Variants in ERGIC1 observed in about 807,000 individuals in gnomAD.
The protein encoded by ERGIC1 is endoplasmic reticulum-Golgi intermediate compartment protein 1.
Under a neutral mutation model 38.3 loss-of-function variants are expected in ERGIC1, and 19 were observed. That is an observed-to-expected ratio of 0.50 (90% CI 0.35 to 0.73). The LOEUF is 0.73. Among genes scored for constraint, ERGIC1 ranks in the 30% least tolerant of loss-of-function variants. The pLI, the probability that ERGIC1 is intolerant of heterozygous loss-of-function variation, is 0.01. For synonymous variants in ERGIC1, 124 were observed against 157.6 expected (o/e 0.79, Z 1.60); for missense variants, 294 against 389.2 (o/e 0.76, Z 2.06).
chr5:172,885,872 G>C (rs80076926), intron 1 of ERGIC1, among the ~76,000 whole-genome samples: 1 of 152,130 alleles, frequency 6.6e-6, no homozygotes, highest in Non-Finnish European at 1.5e-5. Flanking sequence ...ATCTGCAGAC[G>C]CGTCTCATTT....
chr5:172,896,948 C>T, intron 2 of ERGIC1, 54 bp from the exon 3 acceptor site: 1 of 1,561,274 alleles, frequency 6.4e-7, no homozygotes, highest in Admixed American at 1.7e-5. Context: ...GGCTGGTCTC[C>T]CTTCGTCAGT....
At chr5:172,843,385 C>T (rs997032752) in intron 1 of ERGIC1, among the ~76,000 whole-genome samples, 1 of 152,032 alleles carries the variant, frequency 6.6e-6, no homozygotes, top group Non-Finnish European at 1.5e-5. Context: ...AGCTGGGGTC[C>T]CAGAGCCTGG....
At chr5:172,843,786 CT>C (rs1761219620) in intron 1 of ERGIC1, among the ~76,000 whole-genome samples, 1 of 152,232 alleles carries the variant, frequency 6.6e-6, no homozygotes, top group Non-Finnish European at 1.5e-5. Context: ...ATTGAAATCC[CT>C]TCCTCAGTGT....
chr5:172,878,120 G>A (rs1274082460), intron 1 of ERGIC1, among the ~76,000 whole-genome samples: 1 of 152,234 alleles, frequency 6.6e-6, no homozygotes, highest in African/African-American at 2.4e-5. Context: ...GGGTTATCAC[G>A]GATGGGAGAG....
chr5:172,924,402 C>T (rs192733506), intron 6 of ERGIC1, among the ~76,000 whole-genome samples: 1 of 152,308 alleles, frequency 6.6e-6, no homozygotes, highest in East Asian at 1.9e-4. Flanking sequence ...TGTGACACGG[C>T]ATGTTCTGTG....
intron 1 of ERGIC1, among the ~76,000 whole-genome samples, chr5:172,840,050 CT>C (rs935679386): frequency 1.3e-4 from 20 of 152,338 alleles, no homozygotes; most frequent in Non-Finnish European, 1.3e-4. Flanking sequence ...AAGCCATCAA[CT>C]TTTTTCCCCC....
intron 5 of ERGIC1, chr5:172,916,073 G>A (rs751695746): frequency 5.8e-6 from 1 of 172,274 alleles, no homozygotes; most frequent in African/African-American, 2.4e-5. Context: ...TTCCCCTTTA[G>A]AGAGGGTGTG....
intron 9 of ERGIC1, among the ~76,000 whole-genome samples, chr5:172,940,850 T>C (rs1448544416): frequency 1.3e-5 from 2 of 152,196 alleles, no homozygotes; most frequent in Non-Finnish European, 2.9e-5. Context: ...CCCCAGACTT[T>C]AGATTGCCCT....
intron 2 of ERGIC1, among the ~76,000 whole-genome samples, chr5:172,895,190 C>T (rs1581550956): frequency 6.6e-6 from 1 of 152,206 alleles, no homozygotes; most frequent in Non-Finnish European, 1.5e-5. Context: ...CCACATCTCT[C>T]TGATGTAAGT....
intron 2 of ERGIC1, among the ~76,000 whole-genome samples, chr5:172,889,748 G>A (rs1173933033): frequency 6.6e-6 from 1 of 152,156 alleles, no homozygotes; most frequent in African/African-American, 2.4e-5. Context: ...TATCCAAAAT[G>A]CTTAGGACAA....
At chr5:172,905,738 G>GAACA (rs4041302) in intron 3 of ERGIC1, among the ~76,000 whole-genome samples, 104,166 of 151,578 alleles carry the variant, frequency 0.69, 36,202 homozygotes, top group Non-Finnish European at 0.74. Context: ...GCTCGAGCCG[G>GAACA]AACACAGACC....
chr5:172,915,350 G>A, intron 5 of ERGIC1: 1 of 465,332 alleles, frequency 2.1e-6, no homozygotes, highest in South Asian at 2.1e-5. Flanking sequence ...TCCTGGGCTG[G>A]TGGGGCTCCC....
chr5:172,908,313 G>GAGGAGGT (rs1763094612), intron 3 of ERGIC1, among the ~76,000 whole-genome samples: 1 of 4,788 alleles, frequency 2.1e-4, no homozygotes, highest in Non-Finnish European at 8.8e-4. Flanking sequence ...GGGCGGGGGG[G>GAGGAGGT]GGGGGAGAGA....
At chr5:172,914,574 C>G (rs777020414) in intron 4 of ERGIC1, 140 bp from the exon 5 acceptor site, 1 of 1,399,892 alleles carries the variant, frequency 7.1e-7, no homozygotes, top group African/African-American at 1.4e-5. Context: ...GTCTTTGGAC[C>G]CCAGACCATG....
At chr5:172,943,752 C>T (rs576399824) in intron 9 of ERGIC1, among the ~76,000 whole-genome samples, 1 of 152,238 alleles carries the variant, frequency 6.6e-6, no homozygotes, top group Admixed American at 6.5e-5. Context: ...CCTCCCACGG[C>T]GGTGTGTATG....
chr5:172,896,272 G>T (rs1305613879), intron 2 of ERGIC1, among the ~76,000 whole-genome samples: 2 of 152,200 alleles, frequency 1.3e-5, no homozygotes, highest in Non-Finnish European at 2.9e-5. Context: ...GAACCCAGGA[G>T]GTGGAAGTTG....
intron 2 of ERGIC1, among the ~76,000 whole-genome samples, chr5:172,893,905 A>ATATATATATATATGTGTG (rs1173039695): frequency 1.3e-4 from 2 of 15,536 alleles, no homozygotes; most frequent in African/African-American, 2.2e-4. Context: ...ATATATATAT[A>ATATATATATATATGTGTG]TGTGTGTGTG....
At chr5:172,914,063 C>T (rs1040923265) in intron 4 of ERGIC1, among the ~76,000 whole-genome samples, 12 of 151,548 alleles carry the variant, frequency 7.9e-5, no homozygotes, top group African/African-American at 2.9e-4. Context: ...GGTGAAACCC[C>T]GTCTCTACTA....
At chr5:172,941,647 T>A (rs967498686) in intron 9 of ERGIC1, among the ~76,000 whole-genome samples, 26 of 152,320 alleles carry the variant, frequency 1.7e-4, no homozygotes, top group African/African-American at 6.3e-4. Flanking sequence ...ATCAGGATCA[T>A]TTGATACAGT....
Sources: allele counts gnomAD v4.1 joint callset (sites outside exome capture counted in the v4.1 genomes callset), GRCh38; gene constraint gnomAD v4.1.1; transcripts MANE v1.5; gene names NCBI Gene and HGNC (gene_info 2026-07-23, HGNC 2026-07-21).